RTN4: variants seen among roughly 807,000 people sequenced by gnomAD.
RTN4 encodes the protein reticulon-4.
Under a neutral mutation model 90.4 loss-of-function variants are expected in RTN4, and 32 were observed. The observed-to-expected ratio is 0.35, with a 90% confidence interval of 0.27 to 0.48. The LOEUF is 0.48. Among genes scored for constraint, RTN4 ranks in the 20% least tolerant of loss-of-function variants. The probability of loss-of-function intolerance (pLI) is 0.99; values close to 1 mark genes in which losing one functional copy is unlikely to be tolerated. For synonymous variants in RTN4, 629 were observed against 552.5 expected (o/e 1.14, Z -1.94); for missense variants, 1,706 against 1,430.2 (o/e 1.19, Z -3.11).
Position 55,025,492 on chromosome 2 carries a change from A to G in RTN4, c.2607T>C (p.Asp869=). ...TAGAACTGATCAATGTAGGGAACTCATCTATAATTTCAATTGGAGATGAAT... is the reference window on the plus strand; with the variant it reads ...TAGAACTGATCAATGTAGGGAACTCGTCTATAATTTCAATTGGAGATGAAT... ...FSDSSPIEII[D]EFPTLISSKT... Residue 869 remains aspartate (D), a synonymous_variant, in exon 3 of 9, where the codon GAT becomes GAC. Transcript: ENST00000337526. The G allele has an allele frequency of 1.9e-6, 3 of 1,613,698 alleles. No individual in the cohort carries two copies. Among genetic ancestry groups the G allele is most frequent in the Non-Finnish European group, 2.5e-6 (3 of 1,179,750 alleles).
the RTN4 span, among the ~76,000 whole-genome samples, chr2:55,135,155 A>G: frequency 1.3e-5 from 2 of 151,854 alleles, no homozygotes; most frequent in Non-Finnish European, 2.9e-5. Context: ...CAAAAATAAT[A>G]GTTTTAAAAT....
upstream of RTN4, chr2:55,112,635 C>T (rs2105069272): frequency 6.6e-6 from 1 of 152,510 alleles, no homozygotes; most frequent in East Asian, 1.9e-4. Flanking sequence ...GGAACCTGAC[C>T]CTGAAGCTCC....
chr2:55,111,600 T>A (rs1668038940), intron 1 of RTN4, among the ~76,000 whole-genome samples: 1 of 152,084 alleles, frequency 6.6e-6, no homozygotes, highest in Admixed American at 6.5e-5. Context: ...TCCCACCCTC[T>A]GCTGGGAGTC....
intron 3 of RTN4, among the ~76,000 whole-genome samples, chr2:55,017,464 T>C (rs112797236): frequency 9.2e-5 from 14 of 152,312 alleles, no homozygotes; most frequent in African/African-American, 3.1e-4. Flanking sequence ...GGGTATTACA[T>C]AGTTTAATTA....
the RTN4 span, among the ~76,000 whole-genome samples, chr2:55,117,723 G>C: frequency 1.3e-5 from 2 of 152,158 alleles, no homozygotes; most frequent in Non-Finnish European, 2.9e-5. Context: ...TAAAGGTCAA[G>C]AATAGGCAAA....
At position 55,049,766 on chromosome 2, in the gene RTN4, T is replaced by A. The variant is rs185564856; in HGVS notation, c.535A>T (p.Arg179Trp). The A allele has an allele frequency of 3.2e-5, 42 of 1,325,394 alleles. No individual in the cohort carries two copies. In the East Asian group the frequency reaches 1.3e-3, roughly 40 times the overall value. 82.1% of individuals were successfully genotyped at this position (1,325,394 alleles called of 1,614,324 possible). A position where few individuals can be genotyped will look rare whatever the true frequency, so the allele number is the denominator to read the frequency against. ...PPSTPAAPKR[R>W]GSSGSVDETL... ...TCACCCACTGAGCCCGAGGAGCCCC[T>A]GCGCTTGGGCGCGGCCGGGGTGGAG... The change falls in exon 1 of 9, where the codon AGG (arginine) becomes TGG (tryptophan). Residue 179 changes from arginine (R) to tryptophan (W), a missense_variant. Transcript: ENST00000337526.
In RTN4 at chr2:54,985,818, G is replaced by A. The variant is rs1438112656; in HGVS notation, c.3221+1673C>T. ...GTTGTAGGTAGGTACATAGTCATAT[G>A]CCCAAACAGATATTACCTTGCCACA... On this transcript the variant is annotated intron_variant, in intron 4 of 8. Coordinates refer to ENST00000337526, the MANE Select transcript of RTN4 (RefSeq NM_020532.5). Among the ~76,000 whole-genome samples, 4 of 152,296 alleles carry A rather than the reference G, an allele frequency of 2.6e-5. No individual in the cohort carries two copies. In the East Asian group the frequency reaches 7.7e-4, roughly 29 times the overall value.
intron 2 of RTN4, among the ~76,000 whole-genome samples, chr2:55,073,232 C>T (rs1193587269): frequency 6.6e-6 from 1 of 152,202 alleles, no homozygotes; most frequent in Non-Finnish European, 1.5e-5. Flanking sequence ...TTCTTGCCTG[C>T]TGGGGATAAC....
intron 1 of RTN4, chr2:55,046,844 T>C (rs1313309079): frequency 3.3e-5 from 5 of 152,212 alleles, no homozygotes; most frequent in African/African-American, 1.2e-4. Context: ...CCAATAGGTA[T>C]CATCAATATG....
chr2:54,972,992 A>G lies in RTN4; in HGVS notation c.*164T>C, dbSNP rs1012770487. ...ATGATGAACACATGGCAGTCAAGAC[A>G]GGTAATTTTTCCTCACAACAGTGCA... On this transcript the variant is annotated 3_prime_UTR_variant, in exon 9 of 9. Coordinates refer to ENST00000337526, the MANE Select transcript of RTN4 (RefSeq NM_020532.5). 1.8e-6 allele frequency: 1 copy of G among 543,514 alleles called. No homozygotes were observed. Among genetic ancestry groups the G allele is most frequent in the Non-Finnish European group, 3.3e-6 (1 of 300,776 alleles). 33.7% of individuals were successfully genotyped at this position (543,514 alleles called of 1,614,324 possible).
chr2:55,009,445 G>T (rs1204763849), intron 3 of RTN4, among the ~76,000 whole-genome samples: 1 of 152,072 alleles, frequency 6.6e-6, no homozygotes, highest in Admixed American at 6.5e-5. Flanking sequence ...AAGGATCTGG[G>T]CTTTCAAGGG....
At chr2:55,021,080 G>A (rs1257526258) in intron 3 of RTN4, among the ~76,000 whole-genome samples, 3 of 152,106 alleles carry the variant, frequency 2.0e-5, no homozygotes, top group Non-Finnish European at 4.4e-5. Flanking sequence ...ATGTTTAAAT[G>A]CATATACATT....
rs1298231599 is a variant in RTN4 at position 55,026,620 on chromosome 2, A to G, written c.1479T>C (p.Asp493=). ...CCTTCTTTTCTTCTATTTTTTTTTC[A>G]TCGGTCTTATTTTCTGAAGTAGGAT... is the stretch of plus-strand genomic sequence containing the variant. ...LGDPTSENKT[D]EKKIEEKKAQ... is the part of the protein sequence containing the mutation. Residue 493 remains aspartate (D), a synonymous_variant, in exon 3 of 9, where the codon GAT becomes GAC. Transcript: ENST00000337526. 4 of 1,609,432 alleles carry G rather than the reference A, an allele frequency of 2.5e-6. No individual in the cohort carries two copies. In the Admixed American group the frequency reaches 6.7e-5, roughly 27 times the overall value.
chr2:55,064,204 T>TA (rs35994756), intron 2 of RTN4, among the ~76,000 whole-genome samples: 122,684 of 139,524 alleles, frequency 0.88, 53,965 homozygotes, highest in Middle Eastern at 0.96. Context: ...GACCATGTCT[T>TA]AAAAAAAAAA....
intron 1 of RTN4, among the ~76,000 whole-genome samples, chr2:55,032,005 C>G (rs1197675181): frequency 6.6e-6 from 1 of 151,878 alleles, no homozygotes; most frequent in Non-Finnish European, 1.5e-5. Flanking sequence ...AATGGACATG[C>G]AAAGCAGCAA....
intron 1 of RTN4, among the ~76,000 whole-genome samples, chr2:55,039,881 A>G (rs113910132): frequency 1.3e-5 from 2 of 152,234 alleles, no homozygotes; most frequent in Non-Finnish European, 2.9e-5. Flanking sequence ...CTCTTTTAGT[A>G]TTCCATTAAA....
At chr2:55,129,200 A>C in the RTN4 span, among the ~76,000 whole-genome samples, 1 of 152,146 alleles carries the variant, frequency 6.6e-6, no homozygotes, top group African/African-American at 2.4e-5. Flanking sequence ...AATGGCCAAC[A>C]GCAAAGGAAA....
chr2:55,066,185 G>T (rs201268083), intron 2 of RTN4, among the ~76,000 whole-genome samples: 1 of 100,602 alleles, frequency 9.9e-6, no homozygotes, highest in African/African-American at 3.7e-5. Flanking sequence ...GTGTGTGTGT[G>T]TGTGTGTTTG....
At chr2:55,117,910 A>G in the RTN4 span, among the ~76,000 whole-genome samples, 1 of 152,348 alleles carries the variant, frequency 6.6e-6, no homozygotes, top group Admixed American at 6.5e-5. Flanking sequence ...TGGAAATGAC[A>G]TAGGGTTCCT....
Sources: allele counts gnomAD v4.1 joint callset (sites outside exome capture counted in the v4.1 genomes callset), GRCh38; gene constraint gnomAD v4.1.1; transcripts MANE v1.5; gene names NCBI Gene and HGNC (gene_info 2026-07-23, HGNC 2026-07-21).